Variants in UBE2L3 observed in about 807,000 individuals in gnomAD.
The protein encoded by UBE2L3 is ubiquitin-conjugating enzyme E2 L3.
Under a neutral mutation model 17.8 loss-of-function variants are expected in UBE2L3, and 1 was observed. The ratio of observed to expected loss-of-function variants is 0.06; its 90% CI spans 0.02 to 0.27. The LOEUF (loss-of-function observed/expected upper bound fraction) is 0.27, where lower values mean the gene tolerates loss of function less well. Ranked by LOEUF, UBE2L3 falls within the 10% of genes least tolerant of loss-of-function variation. The pLI is 1.00. For missense variants in UBE2L3, 40 were observed against 192.6 expected, an observed-to-expected ratio of 0.21 and a Z score of 4.69; for synonymous variants, 44 against 68.5, an observed-to-expected ratio of 0.64 and a Z score of 1.76.
At chr22:21,563,579 C>CTT (rs536786477), upstream of UBE2L3, among the ~76,000 whole-genome samples, 74 of 133,602 alleles carry the variant, frequency 5.5e-4, 1 homozygote, top group African/African-American at 1.2e-3. Flanking sequence ...AAAATTAATA[C>CTT]TTTTTTTTTT....
At chr22:21,556,632 T>G (rs995551145) in intron 1 of UBE2L3, among the ~76,000 whole-genome samples, 7 of 150,504 alleles carry the variant, frequency 4.7e-5, no homozygotes, top group African/African-American at 7.4e-5. Flanking sequence ...TTTTTGTATT[T>G]TTTTTTTTTT....
At chr22:21,561,768 G>A (rs1467560639) in intron 1 of UBE2L3, among the ~76,000 whole-genome samples, 1 of 152,256 alleles carries the variant, frequency 6.6e-6, no homozygotes, top group African/African-American at 2.4e-5. Flanking sequence ...TGTGGGAAGC[G>A]AGGGATGTGG....
upstream of UBE2L3, among the ~76,000 whole-genome samples, chr22:21,565,783 A>AAAAAAAG: frequency 6.7e-6 from 1 of 148,548 alleles, no homozygotes; most frequent in Admixed American, 6.7e-5. Flanking sequence ...AAAAAAAAAA[A>AAAAAAAG]AGAGAAAAAC....
At chr22:21,562,402 C>G (rs923556928) in intron 1 of UBE2L3, among the ~76,000 whole-genome samples, 28 of 147,932 alleles carry the variant, frequency 1.9e-4, no homozygotes, top group African/African-American at 6.9e-4. Context: ...GACGGAGTCT[C>G]GCTCTGTCTC....
intron 3 of UBE2L3, among the ~76,000 whole-genome samples, chr22:21,619,819 G>A (rs1929962754): frequency 6.6e-6 from 1 of 152,194 alleles, no homozygotes; most frequent in Non-Finnish European, 1.5e-5. Context: ...AGCCTCCTGA[G>A]TAGCTGGGAC....
intron 3 of UBE2L3, among the ~76,000 whole-genome samples, chr22:21,618,701 C>T (rs1371017541): frequency 1.3e-5 from 2 of 152,096 alleles, no homozygotes; most frequent in African/African-American, 4.8e-5. Context: ...AATCATCCCA[C>T]CTCAGCCTCC....
intron 1 of UBE2L3, among the ~76,000 whole-genome samples, chr22:21,561,923 A>G (rs879121780): frequency 2.4e-4 from 36 of 152,302 alleles, no homozygotes; most frequent in South Asian, 1.7e-3. Flanking sequence ...CCTATCAAAT[A>G]GAACATGTTA....
At chr22:21,563,669 C>G (rs111480617), upstream of UBE2L3, among the ~76,000 whole-genome samples, 1 of 146,682 alleles carries the variant, frequency 6.8e-6, no homozygotes, top group Non-Finnish European at 1.5e-5. Flanking sequence ...CTCCCCCTCC[C>G]GGGTTCGAGC....
At chr22:21,610,413 C>A (rs1929418646) in intron 2 of UBE2L3, among the ~76,000 whole-genome samples, 1 of 152,148 alleles carries the variant, frequency 6.6e-6, no homozygotes, top group Non-Finnish European at 1.5e-5. Context: ...CAAGTATGAG[C>A]CCTAACATAA....
chr22:21,564,750 C>T (rs370842980), upstream of UBE2L3, among the ~76,000 whole-genome samples: 125 of 152,290 alleles, frequency 8.2e-4, no homozygotes, highest in Middle Eastern at 3.4e-3. Context: ...TCAGCGTAAG[C>T]GTCCCCTTCC....
chr22:21,568,840 CCA>C, intron 1 of UBE2L3, among the ~76,000 whole-genome samples: 1 of 152,266 alleles, frequency 6.6e-6, no homozygotes, highest in African/African-American at 2.4e-5. Context: ...GAACTTGGAG[CCA>C]CAGTCTCTGA....
At chr22:21,585,506 A>ACC (rs1367315554) in intron 1 of UBE2L3, among the ~76,000 whole-genome samples, 2 of 152,202 alleles carry the variant, frequency 1.3e-5, no homozygotes, top group Non-Finnish European at 2.9e-5. Context: ...ACTTCAGGCC[A>ACC]CCAGTTCTAA....
intron 2 of UBE2L3, among the ~76,000 whole-genome samples, chr22:21,610,212 T>C (rs992011420): frequency 4.6e-5 from 7 of 152,182 alleles, no homozygotes; most frequent in Non-Finnish European, 7.3e-5. Context: ...CAGGGGCCTC[T>C]TTGATAAGGA....
chr22:21,605,180 A>G (rs1440424555), intron 2 of UBE2L3, among the ~76,000 whole-genome samples: 1 of 152,078 alleles, frequency 6.6e-6, no homozygotes, highest in Non-Finnish European at 1.5e-5. Flanking sequence ...GTCTTTACAA[A>G]AGGACTTGTT....
upstream of UBE2L3, among the ~76,000 whole-genome samples, chr22:21,566,815 C>G (rs1926656861): frequency 6.6e-6 from 1 of 152,054 alleles, no homozygotes; most frequent in South Asian, 2.1e-4. Flanking sequence ...CTCCAGTCCT[C>G]CCAGCTGTTC....
At chr22:21,609,948 C>G (rs1018014476) in intron 2 of UBE2L3, among the ~76,000 whole-genome samples, 1 of 152,154 alleles carries the variant, frequency 6.6e-6, no homozygotes, top group Non-Finnish European at 1.5e-5. Context: ...ATTGCTTGAA[C>G]CCAGGAGGCG....
At chr22:21,619,714 C>CA (rs1027703438) in intron 3 of UBE2L3, among the ~76,000 whole-genome samples, 1 of 152,192 alleles carries the variant, frequency 6.6e-6, no homozygotes, top group African/African-American at 2.4e-5. Flanking sequence ...ACTTTTGAGA[C>CA]AGAGTCTCGC....
At chr22:21,619,880 C>T (rs1439566306) in intron 3 of UBE2L3, among the ~76,000 whole-genome samples, 2 of 152,082 alleles carry the variant, frequency 1.3e-5, no homozygotes, top group African/African-American at 2.4e-5. Flanking sequence ...TTAGTAGAGA[C>T]GGGGTTTCAC....
intron 2 of UBE2L3, among the ~76,000 whole-genome samples, chr22:21,609,581 ATCT>A (rs1929365884): frequency 6.6e-6 from 1 of 152,032 alleles, no homozygotes; most frequent in Non-Finnish European, 1.5e-5. Context: ...GGTGGTGCCT[ATCT>A]GTAGTCTCAG....
Sources: allele counts gnomAD v4.1 joint callset (sites outside exome capture counted in the v4.1 genomes callset), GRCh38; gene constraint gnomAD v4.1.1; transcripts MANE v1.5; gene names NCBI Gene and HGNC (gene_info 2026-07-23, HGNC 2026-07-21).